The following ADARB1 variants were observed in gnomAD, a reference collection of about 807,000 sequenced individuals.
ADARB1 encodes adenosine deaminase RNA specific B1, also known as double-stranded RNA-specific editase 1.
Under a neutral mutation model 52.4 loss-of-function variants are expected in ADARB1, and 10 were observed. The observed-to-expected ratio is 0.19, with a 90% CI of 0.12 to 0.32. ADARB1 has a LOEUF of 0.32. ADARB1 is among the 10% of genes least tolerant of loss of function. The pLI is 1.00. For missense variants in ADARB1, 643 were observed against 922.3 expected (o/e 0.70, Z 3.92); for synonymous variants, 349 against 371.1 (o/e 0.94, Z 0.68).
At chr21:45,119,701 A>G (rs1198335513) in intron 1 of ADARB1, among the ~76,000 whole-genome samples, 2 of 152,246 alleles carry the variant, frequency 1.3e-5, no homozygotes, top group African/African-American at 2.4e-5. Flanking sequence ...CTGCTGCATC[A>G]GAATTTAGAG....
chr21:45,129,077 A>G (rs2088772227), intron 2 of ADARB1, among the ~76,000 whole-genome samples: 1 of 152,098 alleles, frequency 6.6e-6, no homozygotes, highest in Admixed American at 6.6e-5. Context: ...CCAAAAATAC[A>G]AAAATTAGCC....
chr21:45,116,948 G>C (rs1350075833), intron 1 of ADARB1: 1 of 151,800 alleles, frequency 6.6e-6, no homozygotes, highest in African/African-American at 2.4e-5. Context: ...TTGATATACT[G>C]TGGTTACTCT....
intron 2 of ADARB1, among the ~76,000 whole-genome samples, chr21:45,152,921 A>G (rs1360295195): frequency 6.6e-6 from 1 of 152,242 alleles, no homozygotes; most frequent in Non-Finnish European, 1.5e-5. Flanking sequence ...GTCTGTAAAC[A>G]TGAATAGAAA....
intron 2 of ADARB1, among the ~76,000 whole-genome samples, chr21:45,146,619 A>G (rs1229305297): frequency 6.6e-6 from 1 of 152,256 alleles, no homozygotes; most frequent in African/African-American, 2.4e-5. Context: ...AGCTTCCTGT[A>G]GAAATCAAAT....
At chr21:45,093,732 G>A (rs1460373710) in intron 1 of ADARB1, among the ~76,000 whole-genome samples, 1 of 152,174 alleles carries the variant, frequency 6.6e-6, no homozygotes, top group Non-Finnish European at 1.5e-5. Flanking sequence ...AGGGTGAAGA[G>A]GCCCTGGAGG....
Position 45,093,788 on chromosome 21 carries a change from C to T in ADARB1, c.-220+18995C>T, listed in dbSNP as rs1274793267. Among the ~76,000 whole-genome samples the T allele has an allele frequency of 2.6e-5, 4 of 152,270 alleles. No individual in the cohort carries two copies. In the East Asian group the frequency reaches 5.8e-4, roughly 22 times the overall value. Reference sequence around the variant, plus strand: ...CTTCTTCTGGATTTTCAGATAAAGTCCCAGAACAGAATTACTTTATGTTTT... The same window carrying T: ...CTTCTTCTGGATTTTCAGATAAAGTTCCAGAACAGAATTACTTTATGTTTT... On this transcript the variant is annotated intron_variant, in intron 1 of 10. Coordinates refer to ENST00000348831, the MANE Select transcript of ADARB1 (RefSeq NM_001112.4).
chr21:45,085,669 T>A (rs2086312747), intron 1 of ADARB1, among the ~76,000 whole-genome samples: 1 of 152,250 alleles, frequency 6.6e-6, no homozygotes, highest in South Asian at 2.1e-4. Flanking sequence ...TTTTTCCCTC[T>A]GCACTTTTTG....
intron 8 of ADARB1, among the ~76,000 whole-genome samples, chr21:45,192,492 G>A (rs1335468124): frequency 6.6e-6 from 1 of 152,102 alleles, no homozygotes; most frequent in Admixed American, 6.6e-5. Flanking sequence ...TGCAGTGCTA[G>A]TTCTGGCATA....
At chr21:45,199,483 G>A (rs1201551027) in intron 8 of ADARB1, among the ~76,000 whole-genome samples, 1 of 152,206 alleles carries the variant, frequency 6.6e-6, no homozygotes, top group African/African-American at 2.4e-5. Flanking sequence ...GCTAGACGTG[G>A]TGCTCGCAGA....
chr21:45,217,809 G>A (rs2092895369), intron 9 of ADARB1, among the ~76,000 whole-genome samples: 1 of 152,168 alleles, frequency 6.6e-6, no homozygotes, highest in African/African-American at 2.4e-5. Context: ...TCATTTTGAA[G>A]TATATTTTGC....
intron 1 of ADARB1, among the ~76,000 whole-genome samples, chr21:45,092,469 A>C (rs1277894880): frequency 6.6e-6 from 1 of 152,156 alleles, no homozygotes; most frequent in Non-Finnish European, 1.5e-5. Flanking sequence ...ATACCATTGG[A>C]ATTTACTCTT....
At chr21:45,079,772 A>G (rs1414873888) in intron 1 of ADARB1, among the ~76,000 whole-genome samples, 3 of 152,222 alleles carry the variant, frequency 2.0e-5, no homozygotes, top group Non-Finnish European at 2.9e-5. Context: ...TTATCTGAGT[A>G]GAGAAAGGTG....
At position 45,225,118 on chromosome 21, in the gene ADARB1, C is replaced by T. The variant is rs536236063; in HGVS notation, c.*2921C>T. On this transcript the variant is annotated 3_prime_UTR_variant, in exon 11 of 11. Coordinates refer to ENST00000348831, the MANE Select transcript of ADARB1 (RefSeq NM_001112.4). ...GTTAACTAAACCTGAAGTATTAATT[C>T]CACAAAGACACTGTCCCTCAGGACC... 5.1e-5 allele frequency: 51 copies of T among 1,001,512 alleles called. No individual in the cohort carries two copies. The African/African-American group carries it at 7.6e-4, about 15-fold the overall frequency. 62.0% of individuals were successfully genotyped at this position (1,001,512 alleles called of 1,614,324 possible). A position where few individuals can be genotyped will look rare whatever the true frequency, so the allele number is the denominator to read the frequency against.
intron 1 of ADARB1, among the ~76,000 whole-genome samples, chr21:45,123,248 C>T (rs1390446515): frequency 6.7e-6 from 1 of 149,712 alleles, no homozygotes; most frequent in Non-Finnish European, 1.5e-5. Flanking sequence ...TCCCCCTCAT[C>T]CATATGACAC....
intron 4 of ADARB1, among the ~76,000 whole-genome samples, chr21:45,177,929 A>G (rs1383618099): frequency 6.6e-6 from 1 of 152,194 alleles, no homozygotes; most frequent in Non-Finnish European, 1.5e-5. Flanking sequence ...CCTCTCGTCA[A>G]CATTGTTTAT....
At chr21:45,164,142 C>T (rs2091130390) in intron 2 of ADARB1, among the ~76,000 whole-genome samples, 1 of 152,202 alleles carries the variant, frequency 6.6e-6, no homozygotes, top group South Asian at 2.1e-4. Flanking sequence ...AGAGCCACTG[C>T]CACGTCGCAG....
chr21:45,223,840 C>T lies in ADARB1; in HGVS notation c.*1643C>T, dbSNP rs993370201. 3.7e-5 allele frequency: 36 copies of T among 985,372 alleles called. No individual in the cohort carries two copies. The highest frequency in any genetic ancestry group is 1.4e-4 in the African/African-American group (8 of 57,326). 61.0% of individuals were successfully genotyped at this position (985,372 alleles called of 1,614,324 possible). On this transcript the variant is annotated 3_prime_UTR_variant, in exon 11 of 11. Coordinates refer to ENST00000348831, the MANE Select transcript of ADARB1 (RefSeq NM_001112.4). ...TGTCCACACAGATCTCGTCGCAGCA[C>T]GGCAGGAAGGGGTGCTGCTTAGGGC...
At position 45,225,784 on chromosome 21, in the gene ADARB1, T is replaced by C. The variant is rs1354334966; in HGVS notation, c.*3587T>C. 2 of 396,848 alleles carry C rather than the reference T, an allele frequency of 5.0e-6. No homozygotes were observed. The highest frequency in any genetic ancestry group is 8.8e-6 in the Non-Finnish European group (2 of 226,168). 24.6% of individuals were successfully genotyped at this position (396,848 alleles called of 1,614,324 possible). A position where few individuals can be genotyped will look rare whatever the true frequency, so the allele number is the denominator to read the frequency against. ...AAATTCTGTAAAATTATAGACTTGC[T>C]CAAAAGATTCCTTTTTATCATCCCC... On this transcript the variant is annotated 3_prime_UTR_variant, in exon 11 of 11. Transcript: ENST00000348831.
Position 45,156,825 on chromosome 21 carries a change from G to C in ADARB1, c.-47-14785G>C, listed in dbSNP as rs139465690. Among the ~76,000 whole-genome samples the C allele has an allele frequency of 1.6e-4, 25 of 152,266 alleles. No homozygotes were observed. In the East Asian group the frequency reaches 4.8e-3, roughly 29 times the overall value. On this transcript the variant is annotated intron_variant, in intron 2 of 10. Transcript: ENST00000348831. ...GGCAGCCACAGCTTTCAGGCTTGAGGTTTGTTCTGGAATGGGCCACCTGAA... is the reference window on the plus strand; with the variant it reads ...GGCAGCCACAGCTTTCAGGCTTGAGCTTTGTTCTGGAATGGGCCACCTGAA...
Sources: allele counts gnomAD v4.1 joint callset (sites outside exome capture counted in the v4.1 genomes callset), GRCh38; gene constraint gnomAD v4.1.1; transcripts MANE v1.5; gene names NCBI Gene and HGNC (gene_info 2026-07-23, HGNC 2026-07-21).